Variants in TSHZ3 observed in about 807,000 individuals in gnomAD.
TSHZ3 encodes teashirt zinc finger homeobox 3.
A neutral mutation model predicts 64.5 loss-of-function variants in TSHZ3; 10 were observed. The observed-to-expected ratio is 0.16, with a 90% CI of 0.10 to 0.26. TSHZ3 has a LOEUF of 0.26. TSHZ3 is among the 10% of genes least tolerant of loss of function. TSHZ3 has a pLI of 1.00. For synonymous variants in TSHZ3, 608 were observed against 593.1 expected (o/e 1.03, Z -0.36); for missense variants, 1,242 against 1,421.7 (o/e 0.87, Z 2.03).
chr19:31,344,218 G>A (rs911341969), intron 1 of TSHZ3, among the ~76,000 whole-genome samples: 1 of 152,060 alleles, frequency 6.6e-6, no homozygotes, highest in African/African-American at 2.4e-5. Context: ...GTGAACACCT[G>A]CAAGGGTTTG....
At chr19:31,245,918 A>G (rs1276792405) in intron 1 of TSHZ3, among the ~76,000 whole-genome samples, 1 of 152,192 alleles carries the variant, frequency 6.6e-6, no homozygotes, top group Non-Finnish European at 1.5e-5. Context: ...CAACAATCCT[A>G]CTTCTCTGCA....
intron 1 of TSHZ3, among the ~76,000 whole-genome samples, chr19:31,327,963 G>C (rs925294454): frequency 6.6e-6 from 1 of 152,208 alleles, no homozygotes; most frequent in Non-Finnish European, 1.5e-5. Flanking sequence ...AGATCACTAA[G>C]GCATTTGACA....
At chr19:31,153,714 G>T (rs1022610067) in intron 6 of TSHZ3, among the ~76,000 whole-genome samples, 2 of 152,162 alleles carry the variant, frequency 1.3e-5, no homozygotes, top group Admixed American at 1.3e-4. Flanking sequence ...ACAGTGCCTG[G>T]CTCAGAGTGA....
rs552687327 is a variant in TSHZ3 at position 31,268,091 on chromosome 19, G to T, written n.64-25216C>A. On this transcript the variant is annotated intron_variant and non_coding_transcript_variant, in intron 1 of 6. Transcript: ENST00000651361. ...ATAGTGAATAAGTCTCACGAGATTT[G>T]ATGGTTTTATAAATGGGAGTTCCCC... 7.2e-5 allele frequency among the ~76,000 whole-genome samples: 11 copies of T among 152,228 alleles called. No individual in the cohort carries two copies. The East Asian group carries it at 1.9e-3, about 27-fold the overall frequency.
chr19:31,280,974 C>T (rs1242035013), intron 1 of TSHZ3, among the ~76,000 whole-genome samples: 20 of 152,154 alleles, frequency 1.3e-4, no homozygotes, highest in African/African-American at 4.6e-4. Flanking sequence ...GAGTGGCCAG[C>T]CCTGTGGCTA....
chr19:31,341,568 T>C (rs757899543), intron 1 of TSHZ3, among the ~76,000 whole-genome samples: 1 of 151,954 alleles, frequency 6.6e-6, no homozygotes, highest in Non-Finnish European at 1.5e-5. Context: ...TGCACTGTTA[T>C]AGAAAGGTGG....
intron 5 of TSHZ3, among the ~76,000 whole-genome samples, chr19:31,179,737 GTGGTGGTGGTGA>G (rs759241123): frequency 4.7e-5 from 7 of 150,162 alleles, no homozygotes; most frequent in East Asian, 3.9e-4. Context: ...GTAGGTGGTG[GTGGTGGTGGTGA>G]TGGTGGTGGT....
chr19:31,186,102 A>G (rs1403641126), intron 5 of TSHZ3, among the ~76,000 whole-genome samples: 2 of 151,954 alleles, frequency 1.3e-5, no homozygotes, highest in East Asian at 1.9e-4. Context: ...TCCGGTTTTT[A>G]CCCATTATGA....
At chr19:31,310,271 G>C (rs960843080) in intron 1 of TSHZ3, among the ~76,000 whole-genome samples, 6 of 152,172 alleles carry the variant, frequency 3.9e-5, no homozygotes, top group Non-Finnish European at 8.8e-5. Flanking sequence ...AAGTGAAGAT[G>C]AAGAGTCGAG....
rs2145215131 is a variant in TSHZ3, at chr19:31,279,172, G to A, written c.621C>T (p.Ile207=). 6.2e-7 allele frequency: 1 copy of A among 1,613,184 alleles called. No homozygotes were observed. Among genetic ancestry groups the A allele is most frequent in the African/African-American group, 1.3e-5 (1 of 75,012 alleles). ...YRQSSKLYGS[I]FTGASKFRCK... is the part of the protein sequence containing the mutation. ...AGCGGAACTTGCTGGCCCCCGTGAAGATGGAGCCATAGAGCTTGCTGCTCT... is the reference window on the plus strand; with the variant it reads ...AGCGGAACTTGCTGGCCCCCGTGAAAATGGAGCCATAGAGCTTGCTGCTCT... Residue 207 remains isoleucine (I), a synonymous_variant, in exon 2 of 2, where the codon ATC becomes ATT. Coordinates refer to ENST00000240587, the MANE Select transcript of TSHZ3 (RefSeq NM_020856.4). The surrounding 1 kb of genome is among the most constrained non-coding windows in gnomAD (Gnocchi z 6.4).
At chr19:31,298,752 G>A (rs759762721) in intron 1 of TSHZ3, among the ~76,000 whole-genome samples, 1 of 152,066 alleles carries the variant, frequency 6.6e-6, no homozygotes, top group Non-Finnish European at 1.5e-5. Context: ...GAGAATAGGG[G>A]ATGAGGACAC....
At chr19:31,227,333 T>C (rs544471527) in intron 4 of TSHZ3, among the ~76,000 whole-genome samples, 2 of 152,088 alleles carry the variant, frequency 1.3e-5, no homozygotes, top group South Asian at 4.2e-4. Context: ...CAGAATCAGA[T>C]TGGTATAAAG....
chr19:31,215,385 A>C (rs1421610394), intron 4 of TSHZ3, among the ~76,000 whole-genome samples: 1 of 152,222 alleles, frequency 6.6e-6, no homozygotes, highest in African/African-American at 2.4e-5. Flanking sequence ...ACAAGTAAAC[A>C]AGAAACATCA....
rs372280452 is a variant in TSHZ3, at chr19:31,205,720, G to A, written n.687-642C>T. 1.6e-4 allele frequency among the ~76,000 whole-genome samples: 24 copies of A among 152,324 alleles called. No individual in the cohort carries two copies. The East Asian group carries it at 4.6e-3, about 29-fold the overall frequency. The stretch of plus-strand genomic sequence containing the variant: ...TGGGGCAGACTCAGCCCAAAACAGA[G>A]GCTGTTGGCCCCTTTCCCCACCTCT... On this transcript the variant is annotated intron_variant and non_coding_transcript_variant, in intron 4 of 6. Transcript: ENST00000651361.
intron 3 of TSHZ3, among the ~76,000 whole-genome samples, chr19:31,235,991 C>T (rs1435867283): frequency 6.6e-6 from 1 of 152,094 alleles, no homozygotes; most frequent in African/African-American, 2.4e-5. Context: ...TGAGAGCTAC[C>T]GTGCCCAGCC....
At chr19:31,302,266 C>A (rs765602032) in intron 1 of TSHZ3, among the ~76,000 whole-genome samples, 48 of 152,290 alleles carry the variant, frequency 3.2e-4, no homozygotes, top group Non-Finnish European at 5.7e-4. Flanking sequence ...ACCCTCCGCC[C>A]TTGTGATCCG....
chr19:31,250,884 C>A (rs1444712569), intron 1 of TSHZ3, among the ~76,000 whole-genome samples: 1 of 152,196 alleles, frequency 6.6e-6, no homozygotes, highest in African/African-American at 2.4e-5. Flanking sequence ...GGGGCAGTAT[C>A]TCCTCGTGGG....
intron 1 of TSHZ3, among the ~76,000 whole-genome samples, chr19:31,253,416 C>T (rs762892139): frequency 3.3e-4 from 51 of 152,284 alleles, no homozygotes; most frequent in Non-Finnish European, 6.2e-4. Flanking sequence ...AGAGAAATGG[C>T]TGAACGCCCA....
chr19:31,181,830 A>T (rs1974721948), intron 5 of TSHZ3, among the ~76,000 whole-genome samples: 1 of 152,168 alleles, frequency 6.6e-6, no homozygotes, highest in Non-Finnish European at 1.5e-5. Flanking sequence ...TCAAATGAAA[A>T]ATTGCCACCT....
Sources: gnomAD v4.1 joint callset for allele counts (sites outside exome capture counted in the v4.1 genomes callset) on GRCh38, gnomAD v4.1.1 for gene constraint, Gnocchi (gnomAD v3.1) non-coding constraint, MANE v1.5 for transcripts, NCBI Gene and HGNC (gene_info 2026-07-23, HGNC 2026-07-21) for gene names.